The following LHFPL2 variants were observed in gnomAD, a reference collection of about 807,000 sequenced individuals.
The protein encoded by LHFPL2 is LHFPL tetraspan subfamily member 2.
A neutral mutation model predicts 17.5 loss-of-function variants in LHFPL2; 7 were observed. The observed-to-expected ratio is 0.40, with a 90% CI of 0.23 to 0.75. LHFPL2 has a LOEUF of 0.75. Among genes scored for constraint, LHFPL2 ranks in the 30% least tolerant of loss-of-function variants. The probability of loss-of-function intolerance (pLI) is 0.37; values close to 1 mark genes in which losing one functional copy is unlikely to be tolerated. For missense variants in LHFPL2, 241 were observed against 294.8 expected (o/e 0.82, Z 1.34); for synonymous variants, 134 against 116.2 (o/e 1.15, Z -0.99).
chr5:78,504,296 C>T (rs1298428827), intron 4 of LHFPL2, among the ~76,000 whole-genome samples: 1 of 152,144 alleles, frequency 6.6e-6, no homozygotes, highest in Non-Finnish European at 1.5e-5. Flanking sequence ...GTCACACCAC[C>T]CCAGAGAAAG....
chr5:78,509,241 AAC>A (rs1361299095), intron 4 of LHFPL2, among the ~76,000 whole-genome samples: 2 of 152,216 alleles, frequency 1.3e-5, no homozygotes, highest in South Asian at 2.1e-4. Context: ...AACATCACTA[AAC>A]ACAGAGCAGC....
In LHFPL2 at chr5:78,579,499, G is replaced by A. The variant is rs192816622; in HGVS notation, c.-244-14628C>T. ...CAGTGCTAACCCTCCCCCCTTCCCC[G>A]ACCCCACAACAGGCCCCAGAGTGTG... On this transcript the variant is annotated intron_variant, in intron 2 of 4. Transcript: ENST00000380345. Among the ~76,000 whole-genome samples, 953 of 148,588 alleles carry A rather than the reference G, an allele frequency of 6.4e-3. 8 individuals are homozygous for A. Among genetic ancestry groups the A allele is most frequent in the African/African-American group, 0.022 (882 of 40,802 alleles).
chr5:78,502,958 G>A (rs538411242), intron 4 of LHFPL2, among the ~76,000 whole-genome samples: 75 of 152,230 alleles, frequency 4.9e-4, no homozygotes, highest in Admixed American at 3.9e-3. Context: ...CATTTTCTCC[G>A]CATGTGTAGT....
chr5:78,546,310 CTT>C (rs1273344650), intron 3 of LHFPL2, among the ~76,000 whole-genome samples: 1 of 152,188 alleles, frequency 6.6e-6, no homozygotes, highest in Non-Finnish European at 1.5e-5. Flanking sequence ...AGGAAAGACA[CTT>C]TTCAAAGTAG....
At chr5:78,602,286 T>C (rs1295861030) in intron 2 of LHFPL2, among the ~76,000 whole-genome samples, 1 of 152,142 alleles carries the variant, frequency 6.6e-6, no homozygotes, top group Admixed American at 6.5e-5. Flanking sequence ...GTTTGTAAAA[T>C]AGAAAGATTT....
Position 78,489,725 on chromosome 5 carries a change from G to A in LHFPL2, c.431-572C>T, listed in dbSNP as rs1529501. On this transcript the variant is annotated intron_variant, in intron 4 of 4. Transcript: ENST00000380345. ...TTGGTGCACTGAGCATTTCTCTTTT[G>A]GTCTAAGGCAGATGTTGGTAAACTA... 3.1e-3 allele frequency among the ~76,000 whole-genome samples: 469 copies of A among 152,264 alleles called. 3 individuals are homozygous for A. Among genetic ancestry groups the A allele is most frequent in the Middle Eastern group, 0.014 (4 of 294 alleles).
intron 4 of LHFPL2, among the ~76,000 whole-genome samples, chr5:78,507,883 A>G (rs76467230): frequency 0.011 from 1,671 of 151,416 alleles, 36 homozygotes; most frequent in African/African-American, 0.039. Context: ...TACATGTTTG[A>G]CTCTTCAAAA....
At chr5:78,490,712 C>T (rs1255495167) in intron 4 of LHFPL2, among the ~76,000 whole-genome samples, 2 of 142,068 alleles carry the variant, frequency 1.4e-5, no homozygotes, top group Admixed American at 7.2e-5. Context: ...TGGGCCACTG[C>T]ACTCCAGCCT....
At chr5:78,550,665 G>C (rs527800396) in intron 3 of LHFPL2, among the ~76,000 whole-genome samples, 1 of 152,224 alleles carries the variant, frequency 6.6e-6, no homozygotes, top group African/African-American at 2.4e-5. Flanking sequence ...CCGCCTCCCG[G>C]GTTCAAGAAA....
At chr5:78,495,531 A>T (rs1261344017) in intron 4 of LHFPL2, among the ~76,000 whole-genome samples, 2 of 152,148 alleles carry the variant, frequency 1.3e-5, no homozygotes, top group Non-Finnish European at 2.9e-5. Context: ...CTAAATATTA[A>T]AGACTAGACC....
At chr5:78,596,491 A>T (rs1743831179) in intron 2 of LHFPL2, among the ~76,000 whole-genome samples, 1 of 152,218 alleles carries the variant, frequency 6.6e-6, no homozygotes. Context: ...CCTTTAACAT[A>T]AGTCTGTCTT....
At chr5:78,563,150 AC>A (rs1053245349) in intron 3 of LHFPL2, among the ~76,000 whole-genome samples, 2 of 152,210 alleles carry the variant, frequency 1.3e-5, no homozygotes, top group Non-Finnish European at 2.9e-5. Context: ...CTCTATGAGC[AC>A]AAACCAGACC....
At chr5:78,557,355 C>T (rs1756599087) in intron 3 of LHFPL2, among the ~76,000 whole-genome samples, 1 of 152,196 alleles carries the variant, frequency 6.6e-6, no homozygotes, top group African/African-American at 2.4e-5. Context: ...TGGCCCAAAA[C>T]TGGTGACCCT....
chr5:78,617,172 G>A (rs1744650947), intron 2 of LHFPL2, among the ~76,000 whole-genome samples: 2 of 152,126 alleles, frequency 1.3e-5, no homozygotes, highest in African/African-American at 4.8e-5. Context: ...GGGATTACAG[G>A]TGCGTGTCAC....
chr5:78,632,925 G>C (rs921866789), intron 1 of LHFPL2, among the ~76,000 whole-genome samples: 1 of 152,150 alleles, frequency 6.6e-6, no homozygotes, highest in African/African-American at 2.4e-5. Context: ...GAGCATGCCA[G>C]GCAAAAGGAA....
chr5:78,647,054 T>A (rs1198527676), intron 1 of LHFPL2, among the ~76,000 whole-genome samples: 1 of 152,132 alleles, frequency 6.6e-6, no homozygotes, highest in Admixed American at 6.5e-5. Context: ...ATGTGACCAC[T>A]TAGAGAAAAA....
intron 2 of LHFPL2, among the ~76,000 whole-genome samples, chr5:78,572,914 A>G (rs1382936459): frequency 6.6e-6 from 1 of 152,126 alleles, no homozygotes. Flanking sequence ...GGAGCATACA[A>G]CTTAGATTCC....
intron 3 of LHFPL2, among the ~76,000 whole-genome samples, chr5:78,519,567 C>T (rs964326278): frequency 9.9e-5 from 15 of 152,208 alleles, no homozygotes; most frequent in Non-Finnish European, 1.9e-4. Context: ...CCCTGGTCCT[C>T]AGTAGTGACC....
chr5:78,636,228 A>G (rs1158185125), intron 1 of LHFPL2, among the ~76,000 whole-genome samples: 2 of 152,242 alleles, frequency 1.3e-5, no homozygotes, highest in African/African-American at 4.8e-5. Flanking sequence ...GAAGCATTCT[A>G]TTAAGTTATT....
Sources: gnomAD v4.1 joint callset for allele counts (sites outside exome capture counted in the v4.1 genomes callset) on GRCh38, gnomAD v4.1.1 for gene constraint, MANE v1.5 for transcripts, NCBI Gene and HGNC (gene_info 2026-07-23, HGNC 2026-07-21) for gene names.